The following NCOR1 variants were observed in gnomAD, a reference collection of about 807,000 sequenced individuals.
NCOR1 encodes the protein protein phosphatase 1, regulatory subunit 109.
NCOR1 carries 63 observed loss-of-function variants against 288.1 expected under a neutral mutation model. That is an observed-to-expected ratio of 0.22 (90% CI 0.18 to 0.27). NCOR1 has a LOEUF of 0.27. NCOR1 is among the 10% of genes least tolerant of loss of function. The probability of loss-of-function intolerance (pLI) is 1.00; values close to 1 mark genes in which losing one functional copy is unlikely to be tolerated. For missense variants in NCOR1, 2,397 were observed against 3,019.2 expected, an observed-to-expected ratio of 0.79 and a Z score of 4.83; for synonymous variants, 1,007 against 1,065.9, an observed-to-expected ratio of 0.94 and a Z score of 1.08.
At chr17:16,095,083 C>T (rs995604518) in intron 21 of NCOR1, among the ~76,000 whole-genome samples, 9 of 149,022 alleles carry the variant, frequency 6.0e-5, no homozygotes, top group African/African-American at 1.5e-4. Context: ...AAGTGAGGAG[C>T]GTCTCTGCCC....
Position 16,057,653 on chromosome 17 carries a change from G to T in NCOR1, c.6253C>A (p.Pro2085Thr). The T allele has an allele frequency of 6.2e-7, 1 of 1,614,114 alleles. No homozygotes were observed. The highest frequency in any genetic ancestry group is 8.5e-7 in the Non-Finnish European group (1 of 1,180,024). Reference sequence around the variant, plus strand: ...ACAGGTGTAGATACCAAAGCAGAAGGTGAGTTCTGGAATGTAGAAGTAGGA... The same window carrying T: ...ACAGGTGTAGATACCAAAGCAGAAGTTGAGTTCTGGAATGTAGAAGTAGGA... ...QPPTSTFQNS[P>T]SALVSTPVRT... Residue 2085 changes from proline to threonine, a missense_variant, in exon 40 of 46, where the codon CCT becomes ACT. Physicochemically the swap from Pro to Thr is conservative, Grantham distance 38. Coordinates refer to ENST00000268712, the MANE Select transcript of NCOR1 (RefSeq NM_006311.4).
At chr17:16,167,859 C>CAAAAA (rs71299856) in intron 4 of NCOR1, among the ~76,000 whole-genome samples, 35 of 62,384 alleles carry the variant, frequency 5.6e-4, no homozygotes, top group Non-Finnish European at 6.9e-4. Context: ...GACTCCATCT[C>CAAAAA]AAAAAAAAAA....
At chr17:16,155,366 A>T (rs2079563493) in intron 6 of NCOR1, among the ~76,000 whole-genome samples, 1 of 136,866 alleles carries the variant, frequency 7.3e-6, no homozygotes, top group South Asian at 2.3e-4. Flanking sequence ...AAAAAAAAAA[A>T]AAATACACAC....
intron 23 of NCOR1, among the ~76,000 whole-genome samples, chr17:16,084,802 T>A (rs1042409742): frequency 6.6e-6 from 1 of 152,198 alleles, no homozygotes; most frequent in African/African-American, 2.4e-5. Flanking sequence ...TACACAAAAA[T>A]TAATTTGAGA....
At chr17:16,188,979 G>T (rs753574255) in intron 2 of NCOR1, among the ~76,000 whole-genome samples, 1 of 151,366 alleles carries the variant, frequency 6.6e-6, no homozygotes, top group Non-Finnish European at 1.5e-5. Context: ...GAGCCTAGAC[G>T]AAGCCACTGC....
In NCOR1 at chr17:16,108,916, A is replaced by T; in HGVS notation, c.2056-4T>A. The T allele has an allele frequency of 6.4e-7, 1 of 1,563,962 alleles. No homozygotes were observed. Among genetic ancestry groups the T allele is most frequent in the Non-Finnish European group, 8.6e-7 (1 of 1,159,820 alleles). ...CTTCACGAGGTTTTCGTGAAGTCTAAAGGAGGAAAGAGTATTATTTGATTT... is the reference window on the plus strand; with the variant it reads ...CTTCACGAGGTTTTCGTGAAGTCTATAGGAGGAAAGAGTATTATTTGATTT... On this transcript the variant is annotated splice_polypyrimidine_tract_variant and splice_region_variant and intron_variant, in intron 18 of 45. Coordinates refer to ENST00000268712, the MANE Select transcript of NCOR1 (RefSeq NM_006311.4).
intron 40 of NCOR1, among the ~76,000 whole-genome samples, chr17:16,054,825 A>G (rs1359001140): frequency 1.3e-5 from 2 of 152,114 alleles, no homozygotes; most frequent in East Asian, 3.9e-4. Context: ...CTAGCTACTT[A>G]GGAGGCTGAG....
At chr17:16,061,030 G>A (rs1459063022) in intron 37 of NCOR1, among the ~76,000 whole-genome samples, 1 of 152,150 alleles carries the variant, frequency 6.6e-6, no homozygotes, top group Non-Finnish European at 1.5e-5. Flanking sequence ...TAGAGGCTTT[G>A]GGGTATTGGC....
intron 21 of NCOR1, 106 bp downstream of exon 21, chr17:16,098,261 G>A (rs910852335): frequency 9.1e-7 from 1 of 1,098,086 alleles, no homozygotes; most frequent in Non-Finnish European, 1.3e-6. Flanking sequence ...GTTATGTTTT[G>A]TACCACTATT....
At chr17:16,098,266 A>G (rs765642839) in intron 21 of NCOR1, 101 bp downstream of exon 21, 57 of 1,147,968 alleles carry the variant, frequency 5.0e-5, no homozygotes, top group Non-Finnish European at 7.0e-5. Context: ...GTTTTGTACC[A>G]CTATTTTTTT....
intron 19 of NCOR1, among the ~76,000 whole-genome samples, chr17:16,106,102 AAAAC>A (rs370447259): frequency 7.2e-5 from 11 of 152,258 alleles, no homozygotes; most frequent in South Asian, 4.1e-4. Context: ...CTCCATCTCT[AAAAC>A]AAACAAACAA....
chr17:16,188,420 GC>G (rs1347610107), intron 2 of NCOR1, among the ~76,000 whole-genome samples: 1 of 151,788 alleles, frequency 6.6e-6, no homozygotes, highest in Non-Finnish European at 1.5e-5. Flanking sequence ...GAACAGCCTG[GC>G]CAACACAGTG....
chr17:16,060,642 T>C (rs921288970), intron 37 of NCOR1, among the ~76,000 whole-genome samples: 2 of 152,214 alleles, frequency 1.3e-5, no homozygotes, highest in Middle Eastern at 3.2e-3. Flanking sequence ...GAACTGCACA[T>C]TGCATTCTGG....
intron 18 of NCOR1, 131 bp downstream of exon 18, chr17:16,117,757 G>T: frequency 1.0e-6 from 1 of 966,414 alleles, no homozygotes; most frequent in Non-Finnish European, 1.4e-6. Context: ...GGGAGGAAGA[G>T]TTTGCAGTGA....
chr17:16,199,294 A>T (rs1397143514), intron 1 of NCOR1, among the ~76,000 whole-genome samples: 5 of 151,590 alleles, frequency 3.3e-5, no homozygotes, highest in Non-Finnish European at 7.4e-5. Flanking sequence ...TTACAGGTCA[A>T]AGCAAGCCCT....
chr17:16,139,258 T>C (rs564936653), intron 11 of NCOR1, 72 bp from the exon 12 acceptor site: 2 of 1,290,344 alleles, frequency 1.5e-6, no homozygotes, highest in African/African-American at 1.5e-5. Flanking sequence ...GGACCAATGC[T>C]CTTAATGTGC....
chr17:16,079,915 A>G, intron 26 of NCOR1, 49 bp downstream of exon 26: 6 of 1,482,598 alleles, frequency 4.0e-6, no homozygotes, highest in Non-Finnish European at 5.6e-6. Flanking sequence ...ATTATTTATC[A>G]TTTTTTCCTG....
intron 37 of NCOR1, among the ~76,000 whole-genome samples, chr17:16,061,045 A>C (rs954203421): frequency 6.6e-6 from 1 of 152,234 alleles, no homozygotes; most frequent in African/African-American, 2.4e-5. Flanking sequence ...ATTGGCATAA[A>C]TATAGAACCA....
intron 23 of NCOR1, among the ~76,000 whole-genome samples, chr17:16,085,754 A>G (rs1338248289): frequency 2.0e-5 from 3 of 152,220 alleles, no homozygotes; most frequent in Admixed American, 1.3e-4. Flanking sequence ...TTCTGAAGTG[A>G]TGGAAGTGTT....
Sources: allele counts gnomAD v4.1 joint callset (sites outside exome capture counted in the v4.1 genomes callset), GRCh38; gene constraint gnomAD v4.1.1; transcripts MANE v1.5; gene names NCBI Gene and HGNC (gene_info 2026-07-23, HGNC 2026-07-21).